Variants in NOS1AP observed in about 807,000 individuals in gnomAD.
NOS1AP encodes the protein carboxyl-terminal PDZ ligand of neuronal nitric oxide synthase protein.
Under a neutral mutation model 56.2 loss-of-function variants are expected in NOS1AP, and 21 were observed. The ratio of observed to expected loss-of-function variants is 0.37; its 90% CI spans 0.26 to 0.54. The LOEUF is 0.54. Among genes scored for constraint, NOS1AP ranks in the 20% least tolerant of loss-of-function variants. NOS1AP has a pLI of 0.84. For synonymous variants in NOS1AP, 270 were observed against 274.6 expected, an observed-to-expected ratio of 0.98 and a Z score of 0.17; for missense variants, 522 against 657.8, an observed-to-expected ratio of 0.79 and a Z score of 2.26.
chr1:162,072,730 G>A (rs1691684977), intron 1 of NOS1AP, among the ~76,000 whole-genome samples: 1 of 152,194 alleles, frequency 6.6e-6, no homozygotes, highest in African/African-American at 2.4e-5. Flanking sequence ...CTAAGCAGAG[G>A]TGGAAGCACG....
At chr1:162,257,639 A>T (rs1291438083) in intron 2 of NOS1AP, among the ~76,000 whole-genome samples, 1 of 147,560 alleles carries the variant, frequency 6.8e-6, no homozygotes, top group Non-Finnish European at 1.5e-5. Flanking sequence ...ACAGAGCGAG[A>T]CTCCATCTCA....
At chr1:162,352,121 A>G (rs188711833) in intron 6 of NOS1AP, among the ~76,000 whole-genome samples, 14 of 151,720 alleles carry the variant, frequency 9.2e-5, no homozygotes, top group East Asian at 3.9e-4. Flanking sequence ...GTGCAGTGGC[A>G]TGATCTCAGC....
chr1:162,330,089 A>G (rs1656716445), intron 4 of NOS1AP, among the ~76,000 whole-genome samples: 1 of 152,232 alleles, frequency 6.6e-6, no homozygotes, highest in Non-Finnish European at 1.5e-5. Flanking sequence ...TTGCATTCAA[A>G]TCTGCTGTAT....
At chr1:162,221,496 C>A (rs1652766871) in intron 2 of NOS1AP, among the ~76,000 whole-genome samples, 1 of 148,912 alleles carries the variant, frequency 6.7e-6, no homozygotes, top group East Asian at 2.0e-4. Flanking sequence ...TCTCTCATTT[C>A]TTTTTTTAAT....
chr1:162,276,221 C>T (rs1424313294), intron 2 of NOS1AP, among the ~76,000 whole-genome samples: 1 of 152,176 alleles, frequency 6.6e-6, no homozygotes, highest in African/African-American at 2.4e-5. Context: ...GAAAACAGTG[C>T]TCTTCCTACA....
chr1:162,367,161 C>T lies in NOS1AP; in HGVS notation c.1215C>T (p.Gly405=), dbSNP rs1156985934. Residue 405 remains glycine, a synonymous_variant, in exon 10 of 10, where the codon GGC becomes GGT. Transcript: ENST00000361897. The surrounding 1 kb of genome is among the most constrained non-coding windows in gnomAD (Gnocchi z 6.5). The stretch of plus-strand genomic sequence containing the variant: ...AGGACCTGCATTCGCCGCCGCTGGG[C>T]GCGGGCTTGGCTGACTTTGCCCACC... ...KPEDLHSPPL[G]AGLADFAHPA... is the part of the protein sequence containing the mutation. 2 of 1,613,734 alleles carry T rather than the reference C, an allele frequency of 1.2e-6. No homozygotes were observed. Among genetic ancestry groups the T allele is most frequent in the Non-Finnish European group, 1.7e-6 (2 of 1,179,976 alleles).
In NOS1AP at chr1:162,355,297, G is replaced by A; in HGVS notation, c.706G>A (p.Gly236Ser). Reference sequence around the variant, plus strand: ...GAATGATGTCCTGGAATTCAGCCGAGGTGTGACTGATCTAGATGCTGTAGG... The same window carrying A: ...GAATGATGTCCTGGAATTCAGCCGAAGTGTGACTGATCTAGATGCTGTAGG... ...PGNDVLEFSR[G>S]VTDLDAVGKE... Residue 236 changes from glycine to serine, a missense_variant, in exon 7 of 10, where the codon GGT becomes AGT. By Grantham distance (56) the Gly-to-Ser change is moderately conservative. Around this residue, in one of 4 missense-constraint regions of NOS1AP, gnomAD observed 178 missense variants for 165.0 expected, o/e 1.08. Coordinates refer to ENST00000361897, the MANE Select transcript of NOS1AP (RefSeq NM_014697.3). The A allele has an allele frequency of 6.2e-7, 1 of 1,614,138 alleles. No individual in the cohort carries two copies. The highest frequency in any genetic ancestry group is 8.5e-7 in the Non-Finnish European group (1 of 1,180,034).
chr1:162,342,611 A>G (rs751399341), intron 5 of NOS1AP: 3 of 496,860 alleles, frequency 6.0e-6, no homozygotes, highest in Non-Finnish European at 1.3e-5. Context: ...TATTACCATT[A>G]GCTCATCTTT....
At chr1:162,257,737 G>A (rs534599360) in intron 2 of NOS1AP, among the ~76,000 whole-genome samples, 7 of 152,200 alleles carry the variant, frequency 4.6e-5, no homozygotes, top group Admixed American at 3.3e-4. Context: ...AGTGGTAGTC[G>A]AGGGAAGAGG....
Position 162,115,232 on chromosome 1 carries a change from A to G in NOS1AP, c.106-39173A>G, listed in dbSNP as rs532670629. Among the ~76,000 whole-genome samples, 5 of 152,370 alleles carry G rather than the reference A, an allele frequency of 3.3e-5. No individual in the cohort carries two copies. The East Asian group carries it at 9.6e-4, about 29-fold the overall frequency. On this transcript the variant is annotated intron_variant, in intron 1 of 9. Transcript: ENST00000361897. ...GGAAGGAAACTAATAATAAACAAGT[A>G]TACAAATTAAACAAGCTAATTTCAG...
chr1:162,166,639 T>C (rs1240680094), intron 2 of NOS1AP, among the ~76,000 whole-genome samples: 2 of 152,192 alleles, frequency 1.3e-5, no homozygotes, highest in East Asian at 1.9e-4. Context: ...TCACAGTGTA[T>C]TTGTCTTTTT....
intron 8 of NOS1AP, chr1:162,360,619 T>C (rs1257033958): frequency 2.8e-6 from 1 of 354,844 alleles, no homozygotes; most frequent in Admixed American, 3.8e-5. Flanking sequence ...GAATTGGTTA[T>C]TTATGCTTCG....
chr1:162,244,558 C>T (rs1653596100), intron 2 of NOS1AP, among the ~76,000 whole-genome samples: 1 of 152,090 alleles, frequency 6.6e-6, no homozygotes, highest in African/African-American at 2.4e-5. Context: ...TAGTTAGTGA[C>T]CGAGCTAGGA....
chr1:162,254,545 C>A (rs1291134984), intron 2 of NOS1AP, among the ~76,000 whole-genome samples: 1 of 152,176 alleles, frequency 6.6e-6, no homozygotes, highest in Admixed American at 6.5e-5. Flanking sequence ...ACTTTGCTGG[C>A]AAACATGTTG....
intron 2 of NOS1AP, among the ~76,000 whole-genome samples, chr1:162,230,476 T>G (rs1653087215): frequency 6.6e-6 from 1 of 152,222 alleles, no homozygotes; most frequent in African/African-American, 2.4e-5. Context: ...CTAGTCACAT[T>G]AAAAAGCTAA....
chr1:162,145,711 G>A (rs1649434558), intron 1 of NOS1AP, among the ~76,000 whole-genome samples: 1 of 152,200 alleles, frequency 6.6e-6, no homozygotes, highest in Non-Finnish European at 1.5e-5. Flanking sequence ...TCAGTACAGA[G>A]GATAGGTTCA....
At chr1:162,300,795 C>A (rs1655625323) in intron 4 of NOS1AP, 89 bp downstream of exon 4, 2 of 1,104,112 alleles carry the variant, frequency 1.8e-6, no homozygotes, top group Admixed American at 1.7e-5. Flanking sequence ...TGGATCCAGG[C>A]AAATTTAAAT....
intron 2 of NOS1AP, among the ~76,000 whole-genome samples, chr1:162,255,481 C>A (rs1185086292): frequency 2.0e-5 from 2 of 99,868 alleles, no homozygotes; most frequent in Non-Finnish European, 4.2e-5. Flanking sequence ...AGGTTATTTG[C>A]TGCTGCTGAT....
chr1:162,341,346 AT>A (rs1409520041), intron 5 of NOS1AP, among the ~76,000 whole-genome samples: 2 of 152,184 alleles, frequency 1.3e-5, no homozygotes, highest in Non-Finnish European at 2.9e-5. Context: ...GGGGAACTGT[AT>A]TTTAATCTGT....
Sources: allele counts gnomAD v4.1 joint callset (sites outside exome capture counted in the v4.1 genomes callset), GRCh38; gene constraint gnomAD v4.1.1; regional missense constraint gnomAD v4.1.1; non-coding constraint Gnocchi (gnomAD v3.1); transcripts MANE v1.5; gene names NCBI Gene and HGNC (gene_info 2026-07-23, HGNC 2026-07-21).